Variants in RPAIN observed in about 807,000 individuals in gnomAD.
RPAIN encodes the protein RPA interacting protein.
RPAIN carries 29 observed loss-of-function variants against 30.5 expected under a neutral mutation model. That is an observed-to-expected ratio of 0.95 (90% CI 0.71 to 1.30). The LOEUF is 1.30. Among genes scored for constraint, RPAIN ranks in the 50% most tolerant of loss-of-function variants. The pLI, the probability that RPAIN is intolerant of heterozygous loss-of-function variation, is 0.00. For missense variants in RPAIN, 247 were observed against 264.7 expected, an observed-to-expected ratio of 0.93 and a Z score of 0.46; for synonymous variants, 101 against 93.5, an observed-to-expected ratio of 1.08 and a Z score of -0.46.
At chr17:5,425,525 T>C (rs889367579) in intron 3 of RPAIN, 5 of 358,432 alleles carry the variant, frequency 1.4e-5, no homozygotes, top group African/African-American at 6.4e-5. Context: ...TTAGTAGAGA[T>C]GGGTTTCACC....
chr17:5,429,905 C>T (rs992784041), intron 6 of RPAIN: 10 of 447,936 alleles, frequency 2.2e-5, no homozygotes, highest in South Asian at 9.3e-5. Flanking sequence ...CGGTGGCTCA[C>T]GCCTGTAATC....
intron 6 of RPAIN, chr17:5,428,936 G>A (rs774563885): frequency 2.3e-5 from 22 of 973,096 alleles, no homozygotes; most frequent in Non-Finnish European, 2.7e-5. Context: ...TTCCTTCATG[G>A]CCCTGTCATT....
intron 6 of RPAIN, chr17:5,428,585 C>A: frequency 1.9e-6 from 2 of 1,059,498 alleles, no homozygotes; most frequent in Non-Finnish European, 2.4e-6. Flanking sequence ...CATAGCAGGG[C>A]AGCATTAGGT....
At chr17:5,420,334 G>C (rs1377711819) in intron 1 of RPAIN, 43 bp downstream of exon 1, 1 of 1,545,292 alleles carries the variant, frequency 6.5e-7, no homozygotes, top group South Asian at 1.1e-5. Flanking sequence ...AGATCGTCCC[G>C]GTGACCGCCG....
chr17:5,432,853 T>A lies in RPAIN; in HGVS notation c.*282T>A, dbSNP rs1916121088. ...AATAATAGATTTGTACAGAAAAAAA[T>A]GATAATAAATGAGAACACAAAACAT... On this transcript the variant is annotated 3_prime_UTR_variant, in exon 7 of 7. Coordinates refer to ENST00000381209, the MANE Select transcript of RPAIN (RefSeq NM_001033002.4). 2 of 952,872 alleles carry A rather than the reference T, an allele frequency of 2.1e-6. No individual in the cohort carries two copies. The highest frequency in any genetic ancestry group is 2.1e-5 in the South Asian group (1 of 48,432). 59.0% of individuals were successfully genotyped at this position (952,872 alleles called of 1,614,324 possible). A position where few individuals can be genotyped will look rare whatever the true frequency, so the allele number is the denominator to read the frequency against.
chr17:5,425,652 T>C (rs1437474315), intron 3 of RPAIN, among the ~76,000 whole-genome samples: 1 of 137,402 alleles, frequency 7.3e-6, no homozygotes, highest in African/African-American at 2.5e-5. Flanking sequence ...CAGTTCTCTT[T>C]GTCAACTTTA....
In RPAIN at chr17:5,421,466, G is replaced by A; in HGVS notation, c.252G>A (p.Gln84=). The change falls in exon 2 of 7, where the codon CAG becomes CAA. Residue 84 remains glutamine (Q), a splice_region_variant and synonymous_variant. Transcript: ENST00000381209. ...AGAATTGTCCAGAAGACTTGGCTCA[G>A]GTCAGGCTGGGCTATGTGTTTTCAG... ...SVENCPEDLA[Q]LEELIDMAVL... is the part of the protein sequence containing the mutation. 3 of 1,613,770 alleles carry A rather than the reference G, an allele frequency of 1.9e-6. No individual in the cohort carries two copies. Among genetic ancestry groups the A allele is most frequent in the Non-Finnish European group, 2.5e-6 (3 of 1,179,876 alleles).
At chr17:5,426,563 T>C (rs1915412934) in intron 5 of RPAIN, 3 of 427,582 alleles carry the variant, frequency 7.0e-6, no homozygotes, top group South Asian at 7.5e-5. Context: ...TTGGGATTGG[T>C]AACGCCTGTA....
At chr17:5,421,516 C>G (rs9303192) in intron 2 of RPAIN, 50 bp downstream of exon 2, 8 of 1,556,190 alleles carry the variant, frequency 5.1e-6, no homozygotes, top group Non-Finnish European at 7.0e-6. Flanking sequence ...CCACCAAGAA[C>G]GGCTCGTGTC....
At position 5,421,313 on chromosome 17, in the gene RPAIN, G is replaced by A. The variant is rs776520188; in HGVS notation, c.99G>A (p.Met33Ile). The change falls in exon 2 of 7, where the codon ATG becomes ATA. Residue 33 changes from methionine to isoleucine, a missense_variant. Met to Ile is a conservative substitution (Grantham distance 10, BLOSUM62 1). Coordinates refer to ENST00000381209, the MANE Select transcript of RPAIN (RefSeq NM_001033002.4). ...TTTCCCAGAGATGCCTGGAGAGAATGAGAAACAGCCGGGACAGGCTCCTAA... is the reference window on the plus strand; with the variant it reads ...TTTCCCAGAGATGCCTGGAGAGAATAAGAAACAGCCGGGACAGGCTCCTAA... ...EAFRQRCLER[M>I]RNSRDRLLNR... 1.2e-6 allele frequency: 2 copies of A among 1,611,810 alleles called. No homozygotes were observed. The highest frequency in any genetic ancestry group is 2.7e-5 in the African/African-American group (2 of 74,600).
intron 1 of RPAIN, among the ~76,000 whole-genome samples, chr17:5,420,757 A>G (rs753748977): frequency 1.3e-5 from 2 of 152,222 alleles, no homozygotes; most frequent in Admixed American, 1.3e-4. Flanking sequence ...CAGATACAGC[A>G]GAGTTTCTCA....
intron 3 of RPAIN, chr17:5,423,200 C>T: frequency 5.7e-6 from 1 of 174,884 alleles, no homozygotes; most frequent in South Asian, 1.5e-4. Flanking sequence ...TTCTACCATC[C>T]TGCCTCTCTA....
intron 5 of RPAIN, chr17:5,427,259 T>C (rs61347766): frequency 0.27 from 41,231 of 152,384 alleles, 6,856 homozygotes; most frequent in East Asian, 0.82. Context: ...CCTCAGCCTC[T>C]TGAGTAGCTG....
chr17:5,428,386 T>C, intron 6 of RPAIN, 175 bp downstream of exon 6: 1 of 1,492,300 alleles, frequency 6.7e-7, no homozygotes, highest in Non-Finnish European at 8.9e-7. Context: ...CAAAGGCCAG[T>C]CAGAAAGAAG....
rs768273598 is a variant in RPAIN at position 5,432,565 on chromosome 17, C to A, written c.654C>A (p.Ile218=). The A allele has an allele frequency of 1.9e-6, 3 of 1,613,964 alleles. No individual in the cohort carries two copies. In the Admixed American group the frequency reaches 5.0e-5, roughly 27 times the overall value. Residue 218 remains isoleucine, a synonymous_variant, in exon 7 of 7, where the codon ATC becomes ATA. Transcript: ENST00000381209. ...SCLACDTWAV[I]L Reference sequence around the variant, plus strand: ...AGGCCTGTGATACTTGGGCTGTGATCCTCTAGAGCCAGCTTGGACTCACAT... The same window carrying A: ...AGGCCTGTGATACTTGGGCTGTGATACTCTAGAGCCAGCTTGGACTCACAT...
chr17:5,424,430 C>G (rs1915187498), intron 3 of RPAIN, among the ~76,000 whole-genome samples: 1 of 152,204 alleles, frequency 6.6e-6, no homozygotes, highest in Non-Finnish European at 1.5e-5. Flanking sequence ...GGCCCCCAGC[C>G]TTAGGCTTCA....
intron 5 of RPAIN, chr17:5,427,598 A>T: frequency 6.6e-6 from 1 of 150,972 alleles, no homozygotes. Context: ...TTTTTTTTTT[A>T]AGCAGCTCAT....
rs1389887885 is a variant in RPAIN, at chr17:5,423,677, G to A, written c.313+848G>A. ...TCCTTGAGGGAGGTGTCCATAGCAT[G>A]GTGTAGAGAGCATAATTTTGTACCT... On this transcript the variant is annotated intron_variant, in intron 3 of 6. Transcript: ENST00000381209. Among the ~76,000 whole-genome samples, 5 of 152,276 alleles carry A rather than the reference G, an allele frequency of 3.3e-5. No homozygotes were observed. The East Asian group carries it at 9.7e-4, about 29-fold the overall frequency.
At position 5,422,136 on chromosome 17, in the gene RPAIN, A is replaced by G. The variant is rs553424634; in HGVS notation, c.253-633A>G. On this transcript the variant is annotated intron_variant, in intron 2 of 6. Coordinates refer to ENST00000381209, the MANE Select transcript of RPAIN (RefSeq NM_001033002.4). The stretch of plus-strand genomic sequence containing the variant: ...TGGAAGGGAAAACCATTTATAGTGT[A>G]TCAGGAAGAACACTGGATTCGAAGT... Among the ~76,000 whole-genome samples the G allele has an allele frequency of 7.2e-5, 11 of 152,362 alleles. No individual in the cohort carries two copies. The South Asian group carries it at 2.3e-3, about 32-fold the overall frequency.
Sources: gnomAD v4.1 joint callset for allele counts (sites outside exome capture counted in the v4.1 genomes callset) on GRCh38, gnomAD v4.1.1 for gene constraint, MANE v1.5 for transcripts, NCBI Gene and HGNC (gene_info 2026-07-23, HGNC 2026-07-21) for gene names.